MTFR1: variants seen among roughly 807,000 people sequenced by gnomAD.
The protein encoded by MTFR1 is chondrocyte protein with a poly-proline region.
MTFR1 carries 28 observed loss-of-function variants against 38.8 expected under a neutral mutation model. The observed-to-expected ratio is 0.72, with a 90% CI of 0.53 to 0.99. The LOEUF (loss-of-function observed/expected upper bound fraction) is 0.99. Among genes scored for constraint, MTFR1 ranks in the 50% least tolerant of loss-of-function variants. MTFR1 has a pLI of 0.00. For synonymous variants in MTFR1, 145 were observed against 137.0 expected, an observed-to-expected ratio of 1.06 and a Z score of -0.41; for missense variants, 358 against 395.5, an observed-to-expected ratio of 0.91 and a Z score of 0.81.
intron 6 of MTFR1, 46 bp from the exon 7 acceptor site, chr8:65,707,797 G>C: frequency 6.3e-7 from 1 of 1,589,196 alleles, no homozygotes; most frequent in Non-Finnish European, 8.6e-7. Context: ...CCTGAGGGTG[G>C]CCAGTGTATT....
chr8:65,748,231 G>A (rs550066158), intron 3 of MTFR1, among the ~76,000 whole-genome samples: 1 of 152,120 alleles, frequency 6.6e-6, no homozygotes, highest in African/African-American at 2.4e-5. Context: ...TTACATATGA[G>A]ATTTTAACAA....
chr8:65,735,553 C>T (rs2128898060), intron 3 of MTFR1, among the ~76,000 whole-genome samples: 1 of 152,272 alleles, frequency 6.6e-6, no homozygotes, highest in Middle Eastern at 3.4e-3. Context: ...TCAAGGAGTC[C>T]ACCTGCCTTG....
chr8:65,775,102 C>T (rs1401571034), downstream of MTFR1, among the ~76,000 whole-genome samples: 1 of 152,006 alleles, frequency 6.6e-6, no homozygotes, highest in Non-Finnish European at 1.5e-5. Flanking sequence ...CAAAATAGTC[C>T]ATTTCGATTC....
intron 3 of MTFR1, chr8:65,726,961 G>A: frequency 1.3e-6 from 2 of 1,577,922 alleles, no homozygotes; most frequent in Non-Finnish European, 1.7e-6. Flanking sequence ...CCAGTACTGA[G>A]GTATTCTACA....
chr8:65,740,687 T>A (rs143172715), intron 3 of MTFR1, among the ~76,000 whole-genome samples: 2 of 152,218 alleles, frequency 1.3e-5, no homozygotes, highest in South Asian at 4.1e-4. Context: ...AGGCGTGAGC[T>A]ACCACGCCTG....
In MTFR1 at chr8:65,680,899, C is replaced by CTTTT. The variant is rs1199113408; in HGVS notation, c.67-1433_67-1430dup. Among the ~76,000 whole-genome samples, 112 of 93,608 alleles carry CTTTT rather than the reference C, an allele frequency of 1.2e-3. 1 individual carries two copies. Among genetic ancestry groups the CTTTT allele is most frequent in the East Asian group, 2.5e-3 (7 of 2,748 alleles). 61.4% of individuals were successfully genotyped at this position (93,608 alleles called of 152,430 possible). ...CCGCTTCCTGGGTTCAAGCAGTTCT[C>CTTTT]TTTTTTTTTTTTTTTTTTTTTTTTG... On this transcript the variant is annotated intron_variant, in intron 2 of 7. Transcript: ENST00000262146.
chr8:65,667,132 C>T (rs371277294), intron 1 of MTFR1, among the ~76,000 whole-genome samples: 2 of 151,928 alleles, frequency 1.3e-5, no homozygotes, highest in Non-Finnish European at 2.9e-5. Context: ...CAAAATTACC[C>T]GGACATGGTG....
At chr8:65,704,183 A>C (rs1179002122) in intron 4 of MTFR1, among the ~76,000 whole-genome samples, 1 of 152,350 alleles carries the variant, frequency 6.6e-6, no homozygotes, top group East Asian at 1.9e-4. Context: ...CTGTTAATTA[A>C]ATTGTTTTGT....
At chr8:65,760,910 A>C (rs1317941002) in intron 3 of MTFR1, among the ~76,000 whole-genome samples, 1 of 140,590 alleles carries the variant, frequency 7.1e-6, no homozygotes, top group East Asian at 1.9e-4. Context: ...AATAATTAAC[A>C]TCATTTAGGA....
chr8:65,696,081 GC>G (rs1805433255), intron 4 of MTFR1, among the ~76,000 whole-genome samples: 1 of 152,130 alleles, frequency 6.6e-6, no homozygotes, highest in Admixed American at 6.6e-5. Context: ...ATACTTAGAG[GC>G]TGGGTAAATA....
intron 4 of MTFR1, among the ~76,000 whole-genome samples, chr8:65,698,400 A>G: frequency 6.6e-6 from 1 of 151,962 alleles, no homozygotes; most frequent in African/African-American, 2.4e-5. Flanking sequence ...TTAGCCTCCC[A>G]AAGTGCTGGG....
chr8:65,700,319 C>T (rs1805572868), intron 4 of MTFR1, among the ~76,000 whole-genome samples: 1 of 144,640 alleles, frequency 6.9e-6, no homozygotes, highest in African/African-American at 2.6e-5. Context: ...CCACTGCATT[C>T]CAACCTCAGC....
At chr8:65,669,704 G>A (rs1159958270) in intron 1 of MTFR1, among the ~76,000 whole-genome samples, 169 bp from the exon 2 acceptor site, 3 of 152,080 alleles carry the variant, frequency 2.0e-5, no homozygotes, top group African/African-American at 4.8e-5. Flanking sequence ...GGCATGCACC[G>A]CCACGCCCGG....
rs923209914 is a variant in MTFR1, at chr8:65,657,291, G to A, written c.-81+12507G>A. On this transcript the variant is annotated intron_variant, in intron 1 of 7. Coordinates refer to ENST00000262146, the MANE Select transcript of MTFR1 (RefSeq NM_014637.4). ...GCCTCCCAAAGTGCTGGGATTACAG[G>A]CATAAGCAACTGCGCCCAGTCTATT... Among the ~76,000 whole-genome samples, 82 of 152,164 alleles carry A rather than the reference G, an allele frequency of 5.4e-4. 2 individuals are homozygous for A. The highest frequency in any genetic ancestry group is 5.2e-3 in the Admixed American group (80 of 15,274).
chr8:65,747,079 A>G (rs1807705787), intron 3 of MTFR1, among the ~76,000 whole-genome samples: 1 of 152,220 alleles, frequency 6.6e-6, no homozygotes, highest in Admixed American at 6.5e-5. Context: ...GCTCACAATC[A>G]ACAAGTTTAA....
intron 1 of MTFR1, among the ~76,000 whole-genome samples, chr8:65,663,479 G>C (rs7845011): frequency 2.2e-3 from 332 of 147,940 alleles, no homozygotes; most frequent in Admixed American, 4.3e-3. Context: ...CTATTGTCCT[G>C]TGACCCTGCC....
chr8:65,657,844 CAT>C (rs1277422383), intron 1 of MTFR1, among the ~76,000 whole-genome samples: 2 of 152,162 alleles, frequency 1.3e-5, no homozygotes, highest in African/African-American at 4.8e-5. Flanking sequence ...TGTTGCAATA[CAT>C]ATAATGTGTA....
At chr8:65,648,425 C>T (rs1206191119) in intron 1 of MTFR1, among the ~76,000 whole-genome samples, 1 of 152,084 alleles carries the variant, frequency 6.6e-6, no homozygotes, top group Admixed American at 6.5e-5. Context: ...TCAAAATCTT[C>T]AGAGTGGCTA....
intron 2 of MTFR1, among the ~76,000 whole-genome samples, chr8:65,681,102 C>CG (rs1429823862): frequency 6.6e-6 from 1 of 151,356 alleles, no homozygotes. Flanking sequence ...TTAGTAGAGA[C>CG]GGGGTTTCAC....
Sources: allele counts gnomAD v4.1 joint callset (sites outside exome capture counted in the v4.1 genomes callset), GRCh38; gene constraint gnomAD v4.1.1; transcripts MANE v1.5; gene names NCBI Gene and HGNC (gene_info 2026-07-23, HGNC 2026-07-21).